SLC24A3: variants seen among roughly 807,000 people sequenced by gnomAD.
SLC24A3 encodes sodium/potassium/calcium exchanger 3.
In SLC24A3, 28 loss-of-function variants were observed where a neutral mutation model predicts 75.8. The ratio of observed to expected loss-of-function variants is 0.37; its 90% CI spans 0.27 to 0.51. The LOEUF (loss-of-function observed/expected upper bound fraction) is 0.51. SLC24A3 is among the 20% of genes least tolerant of loss of function. SLC24A3 has a pLI of 0.94. For missense variants in SLC24A3, 663 were observed against 847.8 expected (o/e 0.78, Z 2.71); for synonymous variants, 372 against 334.1 (o/e 1.11, Z -1.24).
intron 2 of SLC24A3, among the ~76,000 whole-genome samples, chr20:19,368,457 C>T (rs1425427528): frequency 6.6e-6 from 1 of 152,218 alleles, no homozygotes; most frequent in East Asian, 1.9e-4. Context: ...GTCGGCCCTG[C>T]ATCTCCACCA....
intron 2 of SLC24A3, among the ~76,000 whole-genome samples, chr20:19,508,094 G>A (rs1206128626): frequency 6.6e-6 from 1 of 152,178 alleles, no homozygotes; most frequent in Non-Finnish European, 1.5e-5. Flanking sequence ...AAGAGAGGCA[G>A]GGAAGGCTTT....
At chr20:19,332,100 A>T (rs1600433591) in intron 2 of SLC24A3, among the ~76,000 whole-genome samples, 1 of 152,220 alleles carries the variant, frequency 6.6e-6, no homozygotes, top group African/African-American at 2.4e-5. Context: ...GCAGGGCTGG[A>T]CCATCTAAGG....
chr20:19,294,324 A>G (rs1984012261), intron 2 of SLC24A3, among the ~76,000 whole-genome samples: 1 of 152,200 alleles, frequency 6.6e-6, no homozygotes, highest in African/African-American at 2.4e-5. Context: ...GTTCTGGGAT[A>G]CAGGTGCAGG....
chr20:19,294,357 G>A (rs1296470795), intron 2 of SLC24A3, among the ~76,000 whole-genome samples: 1 of 152,090 alleles, frequency 6.6e-6, no homozygotes, highest in Non-Finnish European at 1.5e-5. Flanking sequence ...GTGCTTTGGT[G>A]ATTTGCTGCA....
chr20:19,662,969 C>T (rs186055274), intron 7 of SLC24A3, among the ~76,000 whole-genome samples: 1 of 152,246 alleles, frequency 6.6e-6, no homozygotes, highest in Non-Finnish European at 1.5e-5. Context: ...TCGGAAGAGG[C>T]GATGACCAGC....
intron 3 of SLC24A3, among the ~76,000 whole-genome samples, chr20:19,557,917 A>T (rs945736723): frequency 3.9e-5 from 6 of 152,320 alleles, no homozygotes; most frequent in African/African-American, 1.4e-4. Flanking sequence ...TAGCAATAAT[A>T]TCCCCCCTTT....
At position 19,667,750 on chromosome 20, in the gene SLC24A3, C is replaced by T. The variant is rs57300669; in HGVS notation, c.713+1861C>T. 4.7e-3 allele frequency among the ~76,000 whole-genome samples: 720 copies of T among 152,302 alleles called. 7 individuals carry two copies. The highest frequency in any genetic ancestry group is 0.017 in the African/African-American group (687 of 41,562). ...GCTTCACCATCAGCCCATTTCACTC[C>T]GTATCCTCAAAACATCTCGGGATAG... On this transcript the variant is annotated intron_variant, in intron 8 of 16. Coordinates refer to ENST00000328041, the MANE Select transcript of SLC24A3 (RefSeq NM_020689.4).
intron 2 of SLC24A3, among the ~76,000 whole-genome samples, chr20:19,475,957 A>G (rs1165561308): frequency 6.6e-6 from 1 of 152,222 alleles, no homozygotes; most frequent in Non-Finnish European, 1.5e-5. Flanking sequence ...TTAGGACTTG[A>G]GCCTAATCTA....
chr20:19,435,293 A>G (rs1028841541), intron 2 of SLC24A3, among the ~76,000 whole-genome samples: 2 of 152,250 alleles, frequency 1.3e-5, no homozygotes, highest in South Asian at 2.1e-4. Flanking sequence ...CTTCACTGAC[A>G]TGATTAAGTG....
chr20:19,568,936 T>C (rs936424115), intron 3 of SLC24A3, among the ~76,000 whole-genome samples: 11 of 152,298 alleles, frequency 7.2e-5, no homozygotes, highest in African/African-American at 2.6e-4. Flanking sequence ...GCAGCCCCTC[T>C]CGGAGTTATT....
intron 16 of SLC24A3, among the ~76,000 whole-genome samples, chr20:19,720,662 G>A (rs551557229): frequency 6.6e-6 from 1 of 152,268 alleles, no homozygotes; most frequent in South Asian, 2.1e-4. Flanking sequence ...GATGGGGAAG[G>A]CCCAGAACAG....
At chr20:19,693,563 T>TAC in intron 13 of SLC24A3, 138 bp downstream of exon 13, 1 of 1,100,192 alleles carries the variant, frequency 9.1e-7, no homozygotes, top group Non-Finnish European at 1.2e-6. Flanking sequence ...ACTCCTAAAC[T>TAC]TAGTAGTTTA....
intron 2 of SLC24A3, among the ~76,000 whole-genome samples, chr20:19,317,146 T>C (rs1024744061): frequency 6.6e-6 from 1 of 152,172 alleles, no homozygotes; most frequent in Non-Finnish European, 1.5e-5. Flanking sequence ...GACTCCTTCC[T>C]TACACCATGT....
intron 7 of SLC24A3, among the ~76,000 whole-genome samples, chr20:19,655,817 A>G (rs1392077584): frequency 6.6e-6 from 1 of 152,114 alleles, no homozygotes; most frequent in Non-Finnish European, 1.5e-5. Flanking sequence ...TTAAACTTGC[A>G]CCACACCACA....
chr20:19,342,091 C>A (rs1985285125), intron 2 of SLC24A3, among the ~76,000 whole-genome samples: 1 of 152,176 alleles, frequency 6.6e-6, no homozygotes, highest in Non-Finnish European at 1.5e-5. Flanking sequence ...TAAGGTGGGG[C>A]ACCAACTTTG....
intron 6 of SLC24A3, among the ~76,000 whole-genome samples, chr20:19,608,887 T>G (rs1237932927): frequency 6.6e-6 from 1 of 152,222 alleles, no homozygotes; most frequent in Non-Finnish European, 1.5e-5. Context: ...AGCCAATTTT[T>G]GGCCATTTGT....
intron 2 of SLC24A3, among the ~76,000 whole-genome samples, chr20:19,437,460 T>C (rs1013165018): frequency 5.9e-5 from 9 of 152,212 alleles, no homozygotes; most frequent in Non-Finnish European, 1.3e-4. Context: ...CAATGAAACC[T>C]CTTTTATAAA....
intron 2 of SLC24A3, among the ~76,000 whole-genome samples, chr20:19,502,680 T>C (rs1049563316): frequency 6.6e-6 from 1 of 151,950 alleles, no homozygotes; most frequent in Non-Finnish European, 1.5e-5. Flanking sequence ...CAGAGGAAGA[T>C]GACAGAATCC....
chr20:19,348,695 A>G (rs1185392527), intron 2 of SLC24A3, among the ~76,000 whole-genome samples: 2 of 152,080 alleles, frequency 1.3e-5, no homozygotes, highest in Admixed American at 1.3e-4. Context: ...TTAAGGCCTC[A>G]TCAGGGCCCT....
Sources: allele counts gnomAD v4.1 joint callset (sites outside exome capture counted in the v4.1 genomes callset), GRCh38; gene constraint gnomAD v4.1.1; transcripts MANE v1.5; gene names NCBI Gene and HGNC (gene_info 2026-07-23, HGNC 2026-07-21).